The following ROBO2 variants were observed in gnomAD, a reference collection of about 807,000 sequenced individuals.
ROBO2 encodes the protein roundabout guidance receptor 2.
ROBO2 carries 53 observed loss-of-function variants against 160.8 expected under a neutral mutation model. That is an observed-to-expected ratio of 0.33 (90% CI 0.26 to 0.41). ROBO2 has a LOEUF of 0.41. Ranked by LOEUF, ROBO2 falls within the 10% of genes least tolerant of loss-of-function variation. The pLI is 1.00. For synonymous variants in ROBO2, 664 were observed against 611.7 expected, an observed-to-expected ratio of 1.09 and a Z score of -1.26; for missense variants, 1,577 against 1,722.4, an observed-to-expected ratio of 0.92 and a Z score of 1.49.
intron 2 of ROBO2, among the ~76,000 whole-genome samples, chr3:76,305,387 CAAAAAAAAAAAAAAAAAAAAAA>C (rs1166858558): frequency 4.4e-4 from 9 of 20,688 alleles, no homozygotes; most frequent in South Asian, 3.4e-3. Context: ...CAAGATCTGT[CAAAAAAAAAAAAAAAAAAAAAA>C]AAAAAAAAAA....
chr3:76,607,361 A>T (rs1302155691), intron 2 of ROBO2, among the ~76,000 whole-genome samples: 2 of 152,212 alleles, frequency 1.3e-5, no homozygotes, highest in Non-Finnish European at 2.9e-5. Flanking sequence ...CTCTTTATTG[A>T]TATTTAACAT....
At chr3:76,268,107 C>T (rs1707206246) in intron 2 of ROBO2, among the ~76,000 whole-genome samples, 1 of 152,142 alleles carries the variant, frequency 6.6e-6, no homozygotes, top group African/African-American at 2.4e-5. Context: ...TAAATGTACA[C>T]ATATACACAT....
At chr3:76,794,768 C>T (rs909595599) in intron 2 of ROBO2, among the ~76,000 whole-genome samples, 1 of 151,998 alleles carries the variant, frequency 6.6e-6, no homozygotes, top group African/African-American at 2.4e-5. Context: ...CTTAGTAGAC[C>T]TTCGTGGAAG....
In ROBO2 at chr3:75,954,823, A is replaced by G. The variant is rs556423826; in HGVS notation, c.109+17221A>G. 2.6e-5 allele frequency among the ~76,000 whole-genome samples: 4 copies of G among 151,934 alleles called. No homozygotes were observed. In the East Asian group the frequency reaches 7.8e-4, roughly 30 times the overall value. On this transcript the variant is annotated intron_variant, in intron 2 of 26. Coordinates refer to the ROBO2 transcript ENST00000487694. Reference sequence around the variant, plus strand: ...TAACATCTTGCAGAGGTAATGTTACATGAAAAACTTAGCATAAGACCAATC... The same window carrying G: ...TAACATCTTGCAGAGGTAATGTTACGTGAAAAACTTAGCATAAGACCAATC...
intron 2 of ROBO2, among the ~76,000 whole-genome samples, chr3:76,588,942 G>A (rs1247405160): frequency 1.3e-5 from 2 of 152,154 alleles, no homozygotes; most frequent in South Asian, 2.1e-4. Context: ...CAAGCTATCT[G>A]AGCACAGTTT....
At chr3:77,591,895 G>A (rs1404834642) in intron 17 of ROBO2, among the ~76,000 whole-genome samples, 3 of 152,074 alleles carry the variant, frequency 2.0e-5, no homozygotes, top group Non-Finnish European at 4.4e-5. Context: ...TCATCTCTCT[G>A]CACACAGACA....
At chr3:76,745,546 T>G (rs2093871252) in intron 2 of ROBO2, among the ~76,000 whole-genome samples, 1 of 152,150 alleles carries the variant, frequency 6.6e-6, no homozygotes, top group Non-Finnish European at 1.5e-5. Context: ...AAAATAATTT[T>G]GCAACAAAAA....
At chr3:76,083,189 G>T (rs78977576) in intron 2 of ROBO2, among the ~76,000 whole-genome samples, 10 of 151,894 alleles carry the variant, frequency 6.6e-5, no homozygotes, top group African/African-American at 2.4e-4. Flanking sequence ...TGCAGGCCTG[G>T]GGCCCAAGAG....
At chr3:76,306,147 C>A (rs2107760925) in intron 2 of ROBO2, among the ~76,000 whole-genome samples, 1 of 152,246 alleles carries the variant, frequency 6.6e-6, no homozygotes, top group Non-Finnish European at 1.5e-5. Flanking sequence ...ACCAAACTCA[C>A]AGAATTTTCA....
intron 2 of ROBO2, among the ~76,000 whole-genome samples, chr3:76,632,927 A>G (rs2090112684): frequency 6.6e-6 from 1 of 152,204 alleles, no homozygotes; most frequent in South Asian, 2.1e-4. Context: ...AGTTAAATAG[A>G]TTGTGGAAAA....
chr3:77,108,555 G>A (rs74445914), intron 2 of ROBO2, among the ~76,000 whole-genome samples: 11,659 of 152,106 alleles, frequency 0.077, 479 homozygotes, highest in East Asian at 0.12. Context: ...GGGTTAAAGA[G>A]CACCTCTGGT....
intron 2 of ROBO2, among the ~76,000 whole-genome samples, chr3:75,964,007 A>T (rs561671229): frequency 2.0e-5 from 3 of 151,872 alleles, no homozygotes; most frequent in African/African-American, 7.2e-5. Flanking sequence ...ATTTCACCGT[A>T]TGAATTTGGG....
At chr3:76,587,769 A>G (rs1289699956) in intron 2 of ROBO2, among the ~76,000 whole-genome samples, 1 of 152,060 alleles carries the variant, frequency 6.6e-6, no homozygotes, top group African/African-American at 2.4e-5. Context: ...ATCAGAAAAT[A>G]TTTTTCTCCA....
chr3:76,888,617 G>GA (rs1394935658), intron 2 of ROBO2, among the ~76,000 whole-genome samples: 3 of 152,090 alleles, frequency 2.0e-5, no homozygotes, highest in Non-Finnish European at 4.4e-5. Flanking sequence ...TAGTATATAG[G>GA]AAAAATTGTG....
In ROBO2 at chr3:77,140,062, G is replaced by T. The variant is rs915039877; in HGVS notation, c.388+41722G>T. On this transcript the variant is annotated intron_variant, in intron 2 of 25. Coordinates refer to ENST00000461745, the Ensembl canonical transcript of ROBO2. The stretch of plus-strand genomic sequence containing the variant: ...TTGTCAACTGCAGACATAGTTCCAG[G>T]CAGATTTTTGTAATTTTAAACTCTA... Among the ~76,000 whole-genome samples, 5 of 152,236 alleles carry T rather than the reference G, an allele frequency of 3.3e-5. No homozygotes were observed. The South Asian group carries it at 6.2e-4, about 19-fold the overall frequency.
chr3:77,602,670 ACCACCACCACCACCACCACCG>A (rs1394618132), intron 20 of ROBO2, among the ~76,000 whole-genome samples, 179 bp downstream of exon 21: 57 of 116,108 alleles, frequency 4.9e-4, no homozygotes, highest in Admixed American at 3.2e-3. Flanking sequence ...CGCCACCACC[ACCACCACCACCACCACCACCG>A]CCGCCGCCAC....
At position 76,793,165 on chromosome 3, in the gene ROBO2, G is replaced by A. The variant is rs137970136; in HGVS notation, c.110-304849G>A. Among the ~76,000 whole-genome samples, 145 of 151,732 alleles carry A rather than the reference G, an allele frequency of 9.6e-4. 1 individual carries two copies. Among genetic ancestry groups the A allele is most frequent in the African/African-American group, 3.4e-3 (140 of 41,452 alleles). ...TGTAAGACTGTATTTATAATATTGAGACTAGTTTTTTAAATTAAAAAAATT... is the reference window on the plus strand; with the variant it reads ...TGTAAGACTGTATTTATAATATTGAAACTAGTTTTTTAAATTAAAAAAATT... On this transcript the variant is annotated intron_variant, in intron 2 of 26. Transcript: ENST00000487694.
chr3:76,782,609 A>C (rs1273642673), intron 2 of ROBO2, among the ~76,000 whole-genome samples: 2 of 150,780 alleles, frequency 1.3e-5, no homozygotes, highest in African/African-American at 4.8e-5. Context: ...TGATAAACTC[A>C]TGACTTTGTT....
intron 2 of ROBO2, among the ~76,000 whole-genome samples, chr3:76,297,647 T>C (rs530826631): frequency 6.9e-6 from 1 of 144,346 alleles, no homozygotes; most frequent in Non-Finnish European, 1.5e-5. Context: ...GCTTCAGGAA[T>C]TGTATTTCAA....
Sources: allele counts gnomAD v4.1 joint callset (sites outside exome capture counted in the v4.1 genomes callset), GRCh38; gene constraint gnomAD v4.1.1; transcripts MANE v1.5; gene names NCBI Gene and HGNC (gene_info 2026-07-23, HGNC 2026-07-21).